Variants in STPG2 observed in about 807,000 individuals in gnomAD.
STPG2 encodes sperm tail PG-rich repeat containing 2.
STPG2 carries 56 observed loss-of-function variants against 54.2 expected under a neutral mutation model. The ratio of observed to expected loss-of-function variants is 1.03; its 90% CI spans 0.83 to 1.29. The LOEUF (loss-of-function observed/expected upper bound fraction) is 1.29, where lower values mean the gene tolerates loss of function less well. Ranked by LOEUF, STPG2 falls within the 50% of genes most tolerant of loss-of-function variation. STPG2 has a pLI of 0.00. For missense variants in STPG2, 596 were observed against 544.9 expected (o/e 1.09, Z -0.93); for synonymous variants, 200 against 181.8 (o/e 1.10, Z -0.81).
intron 4 of STPG2, among the ~76,000 whole-genome samples, chr4:97,464,936 T>C (rs1729753141): frequency 6.6e-6 from 1 of 152,152 alleles, no homozygotes; most frequent in Non-Finnish European, 1.5e-5. Context: ...TCAGCTGGAA[T>C]AGTTTCAGAA....
rs978296199 is a variant in STPG2 at position 97,764,259 on chromosome 4, C to T, written c.1205-51445G>A. On this transcript the variant is annotated intron_variant, in intron 9 of 10. Transcript: ENST00000295268. ...AGGGTGGACCACCTTAACCTCAAGACTAGAACAGATTCCATCTTATACACT... is the reference window on the plus strand; with the variant it reads ...AGGGTGGACCACCTTAACCTCAAGATTAGAACAGATTCCATCTTATACACT... Among the ~76,000 whole-genome samples the T allele has an allele frequency of 7.2e-5, 11 of 152,132 alleles. No individual in the cohort carries two copies. The East Asian group carries it at 1.5e-3, about 21-fold the overall frequency.
chr4:97,556,015 T>G (rs533829474), downstream of STPG2, among the ~76,000 whole-genome samples: 112 of 152,264 alleles, frequency 7.4e-4, no homozygotes, highest in African/African-American at 2.7e-3. Flanking sequence ...TTAGAAGGCA[T>G]AAAAGAATCT....
chr4:97,873,332 A>G (rs1730058386), intron 8 of STPG2, among the ~76,000 whole-genome samples: 1 of 151,398 alleles, frequency 6.6e-6, no homozygotes, highest in Admixed American at 6.6e-5. Context: ...TAGATCACAG[A>G]GAAAGTAGCT....
chr4:98,022,688 C>A (rs1373741402), intron 5 of STPG2, among the ~76,000 whole-genome samples: 2 of 152,138 alleles, frequency 1.3e-5, no homozygotes, highest in Non-Finnish European at 2.9e-5. Context: ...TTCACATAGT[C>A]CCATATTTCT....
intron 4 of STPG2, among the ~76,000 whole-genome samples, chr4:97,491,573 C>A (rs1050930610): frequency 2.6e-5 from 4 of 151,298 alleles, no homozygotes; most frequent in Non-Finnish European, 5.9e-5. Context: ...AATAAACAGG[C>A]ATTATATTAG....
intron 4 of STPG2, among the ~76,000 whole-genome samples, chr4:97,509,403 G>A (rs1369570972): frequency 1.3e-5 from 2 of 151,950 alleles, no homozygotes; most frequent in African/African-American, 2.4e-5. Context: ...TTTCAATTAG[G>A]TTCACAAAAA....
chr4:97,674,420 C>T lies in STPG2; in HGVS notation c.1320+38279G>A, dbSNP rs112434121. Among the ~76,000 whole-genome samples, 762 of 152,160 alleles carry T rather than the reference C, an allele frequency of 5.0e-3. 4 individuals carry two copies. Among genetic ancestry groups the T allele is most frequent in the Middle Eastern group, 0.02 (6 of 294 alleles). ...CTAGGTGGTATTTGGAAACCTGATACAAAAGAGCAGTAAATTGGTCAAAAT... is the reference window on the plus strand; with the variant it reads ...CTAGGTGGTATTTGGAAACCTGATATAAAAGAGCAGTAAATTGGTCAAAAT... On this transcript the variant is annotated intron_variant, in intron 10 of 10. Coordinates refer to ENST00000295268, the MANE Select transcript of STPG2 (RefSeq NM_174952.3).
chr4:98,114,454 A>G (rs1006989917), intron 3 of STPG2, among the ~76,000 whole-genome samples: 3 of 152,074 alleles, frequency 2.0e-5, no homozygotes, highest in African/African-American at 7.2e-5. Flanking sequence ...ATGTTGATTT[A>G]CTATAGCCTA....
intron 5 of STPG2, chr4:98,025,424 A>G (rs1254568406): frequency 4.6e-6 from 2 of 434,472 alleles, no homozygotes; most frequent in African/African-American, 4.1e-5. Flanking sequence ...GGCCTGCTTT[A>G]AGAGATACCA....
intron 8 of STPG2, among the ~76,000 whole-genome samples, chr4:97,911,015 G>C (rs1731657903): frequency 6.6e-6 from 1 of 152,224 alleles, no homozygotes; most frequent in Non-Finnish European, 1.5e-5. Context: ...GAAAAACAGA[G>C]TGGGGCAATA....
At chr4:97,780,077 A>G (rs1015392478) in intron 9 of STPG2, among the ~76,000 whole-genome samples, 4 of 138,766 alleles carry the variant, frequency 2.9e-5, no homozygotes, top group Non-Finnish European at 6.2e-5. Context: ...TTCACACATA[A>G]CAATATTAAC....
At chr4:97,997,807 T>C (rs775778995) in intron 5 of STPG2, among the ~76,000 whole-genome samples, 12 of 152,208 alleles carry the variant, frequency 7.9e-5, no homozygotes, top group Non-Finnish European at 1.8e-4. Flanking sequence ...GAGGTAAACA[T>C]TGAATACATA....
chr4:97,683,805 T>C (rs1374500240), intron 10 of STPG2, among the ~76,000 whole-genome samples: 1 of 151,738 alleles, frequency 6.6e-6, no homozygotes, highest in Non-Finnish European at 1.5e-5. Context: ...GTATATAAAT[T>C]GGGAAGGAAG....
intron 5 of STPG2, among the ~76,000 whole-genome samples, chr4:98,043,807 G>T (rs1428671825): frequency 6.6e-6 from 1 of 151,892 alleles, no homozygotes; most frequent in Non-Finnish European, 1.5e-5. Flanking sequence ...TACATGTGCA[G>T]GTGTGTGATA....
intron 5 of STPG2, among the ~76,000 whole-genome samples, chr4:98,028,553 T>C (rs952823147): frequency 6.6e-6 from 1 of 152,208 alleles, no homozygotes; most frequent in Non-Finnish European, 1.5e-5. Context: ...TTAACGTCCA[T>C]ATTTCTACCA....
intron 10 of STPG2, among the ~76,000 whole-genome samples, chr4:97,632,964 A>C (rs1721341116): frequency 1.3e-5 from 2 of 152,172 alleles, no homozygotes; most frequent in African/African-American, 4.8e-5. Flanking sequence ...GGATGGAAAG[A>C]TGGTAGATAG....
chr4:97,773,587 C>G (rs1389406009), intron 9 of STPG2, among the ~76,000 whole-genome samples: 1 of 152,050 alleles, frequency 6.6e-6, no homozygotes, highest in Non-Finnish European at 1.5e-5. Flanking sequence ...GTTGAGATTA[C>G]AGGCATGAGC....
chr4:97,727,771 A>T (rs1013731440), intron 9 of STPG2, among the ~76,000 whole-genome samples: 1 of 151,582 alleles, frequency 6.6e-6, no homozygotes, highest in Non-Finnish European at 1.5e-5. Context: ...GTGTAAATTA[A>T]TTTAAAAATT....
intron 10 of STPG2, among the ~76,000 whole-genome samples, chr4:97,639,299 T>C (rs1193725326): frequency 6.8e-6 from 1 of 146,730 alleles, no homozygotes; most frequent in African/African-American, 2.5e-5. Flanking sequence ...AACAATGAGA[T>C]CACATGGACA....
Sources: allele counts gnomAD v4.1 joint callset (sites outside exome capture counted in the v4.1 genomes callset), GRCh38; gene constraint gnomAD v4.1.1; transcripts MANE v1.5; gene names NCBI Gene and HGNC (gene_info 2026-07-23, HGNC 2026-07-21).